The following TSBP1 variants were observed in gnomAD, a reference collection of about 807,000 sequenced individuals.
TSBP1 encodes testis-expressed basic protein 1.
In TSBP1, 56 loss-of-function variants were observed where a neutral mutation model predicts 68.8. The ratio of observed to expected loss-of-function variants is 0.81; its 90% CI spans 0.66 to 1.02. The LOEUF is 1.02. TSBP1 is among the 50% of genes least tolerant of loss of function. The probability of loss-of-function intolerance (pLI) is 0.00; values close to 1 mark genes in which losing one functional copy is unlikely to be tolerated. For missense variants in TSBP1, 502 were observed against 641.2 expected, an observed-to-expected ratio of 0.78 and a Z score of 2.34; for synonymous variants, 171 against 208.7, an observed-to-expected ratio of 0.82 and a Z score of 1.56.
rs1364840954 is a variant in TSBP1, at chr6:32,321,077, G to C, written c.559+2040C>G. Among the ~76,000 whole-genome samples the C allele has an allele frequency of 1.3e-5, 2 of 152,058 alleles. No individual in the cohort carries two copies. The highest frequency in any genetic ancestry group is 2.9e-5 in the Non-Finnish European group (2 of 68,028). ...ATATGTATCACATTTTCTTTATTCA[G>C]TCTACCATTGATGGGCATTTAGGTT... On this transcript the variant is annotated intron_variant, in intron 18 of 22. Coordinates refer to ENST00000612031, the Ensembl canonical transcript of TSBP1. The surrounding 1 kb of genome is among the most constrained non-coding windows in gnomAD (Gnocchi z 4.3).
intron 22 of TSBP1, 57 bp downstream of exon 25, chr6:32,299,865 A>G: frequency 7.1e-7 from 1 of 1,414,924 alleles, no homozygotes; most frequent in Non-Finnish European, 1.0e-6. Context: ...CAGACAGGTC[A>G]CAAAAGAATT....
At chr6:32,312,001 A>C (rs1405399799) in intron 19 of TSBP1, among the ~76,000 whole-genome samples, 1 of 152,128 alleles carries the variant, frequency 6.6e-6, no homozygotes, top group Non-Finnish European at 1.5e-5. Context: ...ATGTCACTCA[A>C]GTGGGTGGCC....
chr6:32,323,372 C>G, intron 17 of TSBP1: 2 of 709,702 alleles, frequency 2.8e-6, no homozygotes, highest in Non-Finnish European at 5.2e-6. Flanking sequence ...TTAAATAGTT[C>G]TAGAGGAGAT....
At chr6:32,353,720 G>C (rs1771962107) in intron 8 of TSBP1, among the ~76,000 whole-genome samples, 3 of 151,878 alleles carry the variant, frequency 2.0e-5, no homozygotes, top group African/African-American at 7.2e-5. Flanking sequence ...CACTGGAACA[G>C]AAAATAAAAT....
chr6:32,350,012 A>T, intron 8 of TSBP1: 2 of 699,190 alleles, frequency 2.9e-6, no homozygotes, highest in South Asian at 1.5e-5. Context: ...GAGAATAAAA[A>T]TATTTTTGGA....
intron 10 of TSBP1, 40 bp from the exon 12 acceptor site, chr6:32,339,039 G>T: frequency 1.3e-6 from 2 of 1,570,106 alleles, no homozygotes; most frequent in Non-Finnish European, 1.8e-6. Context: ...AAGAGAGCAT[G>T]ACTCAAGGGT....
intron 2 of TSBP1, among the ~76,000 whole-genome samples, chr6:32,369,248 A>T (rs940940060): frequency 1.3e-5 from 2 of 150,686 alleles, no homozygotes; most frequent in Non-Finnish European, 2.9e-5. Flanking sequence ...ATAATACTAG[A>T]TACTGGTGTT....
chr6:32,325,344 C>A lies in TSBP1; in HGVS notation c.515-1730G>T. Reference sequence around the variant, plus strand: ...TTGAGCAGTGAGGGACACTCCCGGACAGTGTGGTCATGAGAGATCCAAACC... The same window carrying A: ...TTGAGCAGTGAGGGACACTCCCGGAAAGTGTGGTCATGAGAGATCCAAACC... On this transcript the variant is annotated intron_variant, in intron 16 of 22. Transcript: ENST00000612031. This position sits in a 1 kb window ranked among gnomAD's most constrained non-coding sequence, Gnocchi z 4.4. 9.5e-7 allele frequency: 1 copy of A among 1,047,694 alleles called. No homozygotes were observed. The highest frequency in any genetic ancestry group is 1.5e-6 in the Non-Finnish European group (1 of 680,670). 64.9% of individuals were successfully genotyped at this position (1,047,694 alleles called of 1,614,324 possible). A position where few individuals can be genotyped will look rare whatever the true frequency, so the allele number is the denominator to read the frequency against.
At chr6:32,334,003 T>C (rs1272988424) in intron 14 of TSBP1, 2 of 278,256 alleles carry the variant, frequency 7.2e-6, no homozygotes, top group Non-Finnish European at 1.5e-5. Context: ...TCTACAAATA[T>C]GTATCTTTGA....
intron 6 of TSBP1, among the ~76,000 whole-genome samples, chr6:32,359,461 T>C (rs1179365339): frequency 6.6e-6 from 1 of 152,220 alleles, no homozygotes; most frequent in Admixed American, 6.5e-5. Flanking sequence ...GAAGTCTCTG[T>C]TCATATCCTT....
Position 32,365,853 on chromosome 6 carries a change from T to C in TSBP1, c.217+314A>G. ...ACTCCCACAATGGTATTGTCTCATC[T>C]GTGGATAGTTGTCTAAATTGATGCT... On this transcript the variant is annotated intron_variant, in intron 6 of 22. Coordinates refer to ENST00000612031, the Ensembl canonical transcript of TSBP1. The surrounding 1 kb of genome is among the most constrained non-coding windows in gnomAD (Gnocchi z 4.3). 2.1e-6 allele frequency: 1 copy of C among 484,004 alleles called. No individual in the cohort carries two copies. Among genetic ancestry groups the C allele is most frequent in the South Asian group, 1.6e-5 (1 of 62,592 alleles). The allele number at this position is 484,004 out of a possible 1,614,324, so 30.0% of individuals were successfully genotyped here. A position where few individuals can be genotyped will look rare whatever the true frequency, so the allele number is the denominator to read the frequency against.
intron 19 of TSBP1, among the ~76,000 whole-genome samples, chr6:32,303,096 A>G (rs965157406): frequency 1.3e-5 from 2 of 152,098 alleles, no homozygotes; most frequent in Non-Finnish European, 1.5e-5. Flanking sequence ...GGTACTTGCT[A>G]TCTTGCTTTT....
chr6:32,317,177 T>C (rs562739870), intron 18 of TSBP1, among the ~76,000 whole-genome samples: 9 of 152,244 alleles, frequency 5.9e-5, no homozygotes, highest in Admixed American at 2.6e-4. Flanking sequence ...ATCTGATCTT[T>C]AACAAAGCTG....
At chr6:32,318,876 A>G (rs1251331256) in intron 18 of TSBP1, among the ~76,000 whole-genome samples, 1 of 152,216 alleles carries the variant, frequency 6.6e-6, no homozygotes, top group East Asian at 1.9e-4. Flanking sequence ...AAAAAGCATT[A>G]AATTCCACAC....
chr6:32,336,030 T>C lies in TSBP1; in HGVS notation c.431-98A>G. ...CCAACACTCGCTCTAGGGAGTATCA[T>C]AAATAGAAACAACGGGAAGATCAAG... On this transcript the variant is annotated intron_variant, in intron 12 of 22. Coordinates refer to ENST00000612031, the Ensembl canonical transcript of TSBP1. This position sits in a 1 kb window ranked among gnomAD's most constrained non-coding sequence, Gnocchi z 5.2. 5 of 1,027,392 alleles carry C rather than the reference T, an allele frequency of 4.9e-6. No homozygotes were observed. In the East Asian group the frequency reaches 9.5e-5, roughly 20 times the overall value. 63.6% of individuals were successfully genotyped at this position (1,027,392 alleles called of 1,614,324 possible).
chr6:32,317,807 A>T (rs1379244417), intron 18 of TSBP1, among the ~76,000 whole-genome samples: 1 of 152,230 alleles, frequency 6.6e-6, no homozygotes, highest in South Asian at 2.1e-4. Flanking sequence ...AGAAAATAAC[A>T]GATACTGGGG....
intron 19 of TSBP1, among the ~76,000 whole-genome samples, chr6:32,309,281 C>T (rs1236858303): frequency 6.6e-6 from 1 of 152,058 alleles, no homozygotes; most frequent in African/African-American, 2.4e-5. Context: ...TTCTTCTCTT[C>T]CTTCTCTTTT....
intron 9 of TSBP1, among the ~76,000 whole-genome samples, chr6:32,348,822 C>G (rs1445758804): frequency 6.6e-6 from 1 of 152,158 alleles, no homozygotes; most frequent in Non-Finnish European, 1.5e-5. Context: ...TCCTTGTCCC[C>G]TACTCCCATT....
chr6:32,360,475 C>T (rs1175478212), intron 6 of TSBP1, among the ~76,000 whole-genome samples: 1 of 152,004 alleles, frequency 6.6e-6, no homozygotes, highest in Non-Finnish European at 1.5e-5. Context: ...ATTCCTCTAT[C>T]CCGGGTATTG....
Sources: gnomAD v4.1 joint callset for allele counts (sites outside exome capture counted in the v4.1 genomes callset) on GRCh38, gnomAD v4.1.1 for gene constraint, Gnocchi (gnomAD v3.1) non-coding constraint, MANE v1.5 for transcripts, NCBI Gene and HGNC (gene_info 2026-07-23, HGNC 2026-07-21) for gene names.